Variants in ZFYVE28 observed in about 807,000 individuals in gnomAD.
ZFYVE28 encodes the protein lateral signaling target protein 2 homolog.
ZFYVE28 carries 40 observed loss-of-function variants against 82.1 expected under a neutral mutation model. That is an observed-to-expected ratio of 0.49 (90% CI 0.38 to 0.63). ZFYVE28 has a LOEUF of 0.63. Ranked by LOEUF, ZFYVE28 falls within the 30% of genes least tolerant of loss-of-function variation. ZFYVE28 has a pLI of 0.00. For synonymous variants in ZFYVE28, 612 were observed against 546.1 expected, an observed-to-expected ratio of 1.12 and a Z score of -1.68; for missense variants, 1,321 against 1,242.1, an observed-to-expected ratio of 1.06 and a Z score of -0.96.
rs146695707 is a variant in ZFYVE28 at position 2,289,217 on chromosome 4, G to A, written c.2052-15001C>T. 6.1e-3 allele frequency among the ~76,000 whole-genome samples: 934 copies of A among 152,264 alleles called. 11 individuals are homozygous for A. The highest frequency in any genetic ancestry group is 0.021 in the African/African-American group (880 of 41,538). On this transcript the variant is annotated intron_variant, in intron 8 of 12. Coordinates refer to ENST00000290974, the MANE Select transcript of ZFYVE28 (RefSeq NM_020972.3). The stretch of plus-strand genomic sequence containing the variant: ...GAATTGCTTTAACCTGGGAGGCAGA[G>A]GTTACAGCGAGCCAAGATCATGCCA...
rs150084032 is a variant in ZFYVE28, at chr4:2,304,531, G to C, written c.1809C>G (p.Ser603Arg). ...CCTCCTGTCTCTCAGGGGCCCTGTCGCTGGCCTTGGCTAAGCCGGCAGCGT... is the reference window on the plus strand; with the variant it reads ...CCTCCTGTCTCTCAGGGGCCCTGTCCCTGGCCTTGGCTAAGCCGGCAGCGT... ...ASYAAGLAKA[S>R]DRAPERQEEA... The change falls in exon 8 of 13, where the codon AGC (serine) becomes AGG (arginine). Residue 603 changes from serine (S) to arginine (R), a missense_variant. Transcript: ENST00000290974. 1.2e-6 allele frequency: 2 copies of C among 1,612,618 alleles called. No individual in the cohort carries two copies. Among genetic ancestry groups the C allele is most frequent in the Non-Finnish European group, 1.7e-6 (2 of 1,179,750 alleles).
chr4:2,320,136 T>TCCCCCCCCCCCC lies in ZFYVE28; in HGVS notation c.803+33_803+34insGGGGGGGGGGGG. The TCCCCCCCCCCCC allele has an allele frequency of 1.2e-6, 1 of 863,730 alleles. No homozygotes were observed. The highest frequency in any genetic ancestry group is 1.9e-5 in the Admixed American group (1 of 52,816). The allele number at this position is 863,730 out of a possible 1,614,324, so 53.5% of individuals were successfully genotyped here. ...CCCACCTGTGGCCCTCCTGTCCCCC[T>TCCCCCCCCCCCC]CCCCTCCCCCACCTCCTCTAGCTCC... On this transcript the variant is annotated intron_variant, in intron 7 of 12. Coordinates refer to ENST00000290974, the MANE Select transcript of ZFYVE28 (RefSeq NM_020972.3). The surrounding 1 kb of genome is among the most constrained non-coding windows in gnomAD (Gnocchi z 5.1).
In ZFYVE28 at chr4:2,339,667, G is replaced by A; in HGVS notation, c.319-12C>T. ...CCGGCGGCCAGGCACTGCGGGAGGGGACACACTCAGGGAGGGGCCCGGGTG... is the reference window on the plus strand; with the variant it reads ...CCGGCGGCCAGGCACTGCGGGAGGGAACACACTCAGGGAGGGGCCCGGGTG... On this transcript the variant is annotated splice_polypyrimidine_tract_variant and intron_variant, in intron 3 of 12. Coordinates refer to ENST00000290974, the MANE Select transcript of ZFYVE28 (RefSeq NM_020972.3). This position sits in a 1 kb window ranked among gnomAD's most constrained non-coding sequence, Gnocchi z 5.0. 1.3e-6 allele frequency: 2 copies of A among 1,583,986 alleles called. No individual in the cohort carries two copies. Among genetic ancestry groups the A allele is most frequent in the Non-Finnish European group, 1.7e-6 (2 of 1,166,498 alleles).
chr4:2,328,138 C>T (rs1269743146), intron 6 of ZFYVE28, among the ~76,000 whole-genome samples: 1 of 152,126 alleles, frequency 6.6e-6, no homozygotes, highest in Non-Finnish European at 1.5e-5. Context: ...TTCACAATAG[C>T]TAAGTTATGA....
chr4:2,301,193 T>G (rs1205096366), intron 8 of ZFYVE28, among the ~76,000 whole-genome samples: 1 of 152,172 alleles, frequency 6.6e-6, no homozygotes, highest in Non-Finnish European at 1.5e-5. Flanking sequence ...CTCTTGTTCC[T>G]TGGTGGGTCT....
At chr4:2,370,638 G>A (rs1727440198) in intron 1 of ZFYVE28, among the ~76,000 whole-genome samples, 1 of 152,206 alleles carries the variant, frequency 6.6e-6, no homozygotes, top group Non-Finnish European at 1.5e-5. Context: ...TGGGGCCAGA[G>A]GGAGCACCCA....
chr4:2,392,166 AG>A (rs1729912574), intron 1 of ZFYVE28, among the ~76,000 whole-genome samples: 1 of 151,214 alleles, frequency 6.6e-6, no homozygotes, highest in Admixed American at 6.6e-5. Flanking sequence ...AAAAAAAAAA[AG>A]GGTGGGGAGG....
intron 1 of ZFYVE28, 32 bp from the exon 2 acceptor site, chr4:2,354,105 G>A: frequency 6.8e-7 from 1 of 1,477,276 alleles, no homozygotes; most frequent in Non-Finnish European, 9.0e-7. Flanking sequence ...GCCATGAGTG[G>A]GTGGGGAACT....
chr4:2,327,018 G>A (rs1053033402), intron 6 of ZFYVE28, among the ~76,000 whole-genome samples: 5 of 151,882 alleles, frequency 3.3e-5, no homozygotes, highest in Admixed American at 6.6e-5. Context: ...TTGGGAGGCC[G>A]AGGCAGGTGG....
intron 1 of ZFYVE28, among the ~76,000 whole-genome samples, chr4:2,386,826 G>A (rs997397063): frequency 6.6e-6 from 1 of 152,270 alleles, no homozygotes; most frequent in Non-Finnish European, 1.5e-5. Context: ...GCTTTCAGCA[G>A]TAAAACCCCG....
chr4:2,306,663 G>A (rs1716619782), intron 7 of ZFYVE28, among the ~76,000 whole-genome samples: 1 of 152,210 alleles, frequency 6.6e-6, no homozygotes, highest in Non-Finnish European at 1.5e-5. Context: ...ATAGTTGTAA[G>A]TGTACTCCAA....
chr4:2,342,395 C>A (rs1419120254), intron 2 of ZFYVE28, among the ~76,000 whole-genome samples: 1 of 152,122 alleles, frequency 6.6e-6, no homozygotes, highest in East Asian at 1.9e-4. Context: ...CAACTTCTGG[C>A]TTTTTGTTTA....
At chr4:2,289,073 A>G (rs1437901145) in intron 8 of ZFYVE28, among the ~76,000 whole-genome samples, 1 of 152,232 alleles carries the variant, frequency 6.6e-6, no homozygotes, top group Non-Finnish European at 1.5e-5. Context: ...ACTTGAGGCC[A>G]AGAGTTCGAG....
At chr4:2,277,337 G>A (rs753007447) in intron 8 of ZFYVE28, among the ~76,000 whole-genome samples, 61 of 152,214 alleles carry the variant, frequency 4.0e-4, no homozygotes, top group Non-Finnish European at 6.8e-4. Context: ...AAAATTAGCC[G>A]GGCGTGGCGG....
At position 2,339,321 on chromosome 4, in the gene ZFYVE28, G is replaced by A; in HGVS notation, c.521+132C>T. The A allele has an allele frequency of 1.0e-6, 1 of 1,002,148 alleles. No homozygotes were observed. The highest frequency in any genetic ancestry group is 2.6e-5 in the East Asian group (1 of 38,160). 62.1% of individuals were successfully genotyped at this position (1,002,148 alleles called of 1,614,324 possible). On this transcript the variant is annotated intron_variant, in intron 4 of 12. Transcript: ENST00000290974. The surrounding 1 kb of genome is among the most constrained non-coding windows in gnomAD (Gnocchi z 5.0). Reference sequence around the variant, plus strand: ...TCTCCAGGGCTTAACCCCACCCACAGGCGGCCCTGAACCTGCCTGGCTCCT... The same window carrying A: ...TCTCCAGGGCTTAACCCCACCCACAAGCGGCCCTGAACCTGCCTGGCTCCT...
rs1235687553 is a variant in ZFYVE28 at position 2,332,327 on chromosome 4, C to T, written c.701+3378G>A. 6.6e-6 allele frequency among the ~76,000 whole-genome samples: 1 copy of T among 152,160 alleles called. No individual in the cohort carries two copies. The highest frequency in any genetic ancestry group is 2.1e-4 in the South Asian group (1 of 4,830). On this transcript the variant is annotated intron_variant, in intron 6 of 12. Coordinates refer to ENST00000290974, the MANE Select transcript of ZFYVE28 (RefSeq NM_020972.3). The surrounding 1 kb of genome is among the most constrained non-coding windows in gnomAD (Gnocchi z 4.7). Reference sequence around the variant, plus strand: ...GTCTTCATTTCTGCAGAAGTTCCTGCGGCCCCCTGGTCCTTGCTCGAGCCC... The same window carrying T: ...GTCTTCATTTCTGCAGAAGTTCCTGTGGCCCCCTGGTCCTTGCTCGAGCCC...
intron 1 of ZFYVE28, among the ~76,000 whole-genome samples, chr4:2,368,790 T>C (rs567955609): frequency 6.6e-6 from 1 of 152,364 alleles, no homozygotes; most frequent in African/African-American, 2.4e-5. Context: ...CAAGTTTTTG[T>C]GGGGACATAT....
intron 8 of ZFYVE28, among the ~76,000 whole-genome samples, chr4:2,297,607 CCAAGACTGATCATGG>C (rs1233479370): frequency 6.6e-6 from 1 of 152,256 alleles, no homozygotes; most frequent in African/African-American, 2.4e-5. Flanking sequence ...AGAGGCAAAG[CCAAGACTGATCATGG>C]CAAAGATGGC....
chr4:2,413,993 G>A (rs984173488), intron 1 of ZFYVE28, among the ~76,000 whole-genome samples: 5 of 152,340 alleles, frequency 3.3e-5, no homozygotes, highest in East Asian at 1.9e-4. Context: ...ACTGGGCTGC[G>A]CCTCATCTCT....
Sources: allele counts gnomAD v4.1 joint callset (sites outside exome capture counted in the v4.1 genomes callset), GRCh38; gene constraint gnomAD v4.1.1; non-coding constraint Gnocchi (gnomAD v3.1); transcripts MANE v1.5; gene names NCBI Gene and HGNC (gene_info 2026-07-23, HGNC 2026-07-21).